SGCZ: variants seen among roughly 807,000 people sequenced by gnomAD.
SGCZ encodes sarcoglycan zeta.
Under a neutral mutation model 41.3 loss-of-function variants are expected in SGCZ, and 40 were observed. The ratio of observed to expected loss-of-function variants is 0.97; its 90% CI spans 0.75 to 1.26. The LOEUF is 1.26. SGCZ is among the 50% of genes most tolerant of loss of function. The pLI is 0.00. For missense variants in SGCZ, 552 were observed against 369.8 expected (o/e 1.49, Z -4.04); for synonymous variants, 206 against 137.5 (o/e 1.50, Z -3.49).
At chr8:14,391,158 T>C (rs10503495) in intron 2 of SGCZ, among the ~76,000 whole-genome samples, 28,742 of 152,000 alleles carry the variant, frequency 0.19, 3,475 homozygotes, top group Non-Finnish European at 0.28. Flanking sequence ...TGAAAATGGA[T>C]TGATGTAATG....
chr8:14,408,486 A>G (rs1307179812), intron 2 of SGCZ, among the ~76,000 whole-genome samples: 1 of 152,050 alleles, frequency 6.6e-6, no homozygotes, highest in East Asian at 1.9e-4. Context: ...CCATTTACCC[A>G]GGTGGCCACC....
At chr8:14,223,194 T>C (rs1269119346) in intron 4 of SGCZ, among the ~76,000 whole-genome samples, 1 of 152,184 alleles carries the variant, frequency 6.6e-6, no homozygotes, top group East Asian at 1.9e-4. Flanking sequence ...ACCCTTACTG[T>C]ATTGTTACTG....
chr8:14,402,895 A>G (rs886187797), intron 2 of SGCZ, among the ~76,000 whole-genome samples: 2 of 149,682 alleles, frequency 1.3e-5, no homozygotes, highest in African/African-American at 5.1e-5. Flanking sequence ...GGCCATTTTC[A>G]CGATATTGAT....
rs1193194930 is a variant in SGCZ, at chr8:14,196,765, A to G, written c.425-32063T>C. 3.3e-5 allele frequency among the ~76,000 whole-genome samples: 5 copies of G among 152,300 alleles called. No individual in the cohort carries two copies. In the East Asian group the frequency reaches 9.7e-4, roughly 29 times the overall value. ...ATGCACCTTAGAAGCATGCTACGTG[A>G]AAGAAACCAGCCGCCAAAACTATAC... On this transcript the variant is annotated intron_variant, in intron 4 of 7. Coordinates refer to ENST00000382080, the MANE Select transcript of SGCZ (RefSeq NM_139167.4).
Position 14,085,543 on chromosome 8 carries a change from G to T in SGCZ, c.*4900C>A, listed in dbSNP as rs1801499509. 6.6e-6 allele frequency among the ~76,000 whole-genome samples: 1 copy of T among 151,606 alleles called. No individual in the cohort carries two copies. Among genetic ancestry groups the T allele is most frequent in the African/African-American group, 2.4e-5 (1 of 41,374 alleles). Reference sequence around the variant, plus strand: ...TTCATTGGCTTTCTCAAAATGCAGAGCCACCTCAGTTAACAATTAAAAAAT... The same window carrying T: ...TTCATTGGCTTTCTCAAAATGCAGATCCACCTCAGTTAACAATTAAAAAAT... On this transcript the variant is annotated 3_prime_UTR_variant, in exon 8 of 8. Transcript: ENST00000382080.
intron 2 of SGCZ, among the ~76,000 whole-genome samples, chr8:14,449,177 C>T (rs1800519782): frequency 6.6e-6 from 1 of 152,168 alleles, no homozygotes; most frequent in South Asian, 2.1e-4. Context: ...TCACATTAAG[C>T]AGCATTCAAG....
intron 3 of SGCZ, among the ~76,000 whole-genome samples, chr8:14,319,180 C>A (rs1229555182): frequency 6.6e-6 from 1 of 151,766 alleles, no homozygotes; most frequent in African/African-American, 2.4e-5. Context: ...TATTAAGTGG[C>A]AAAATAGGTA....
chr8:14,456,359 G>A (rs372692916), intron 2 of SGCZ, among the ~76,000 whole-genome samples: 1 of 152,142 alleles, frequency 6.6e-6, no homozygotes, highest in African/African-American at 2.4e-5. Flanking sequence ...AGAGAGCCAA[G>A]ACTGCACCAT....
At chr8:14,652,634 G>T (rs1807442870) in intron 1 of SGCZ, among the ~76,000 whole-genome samples, 1 of 152,010 alleles carries the variant, frequency 6.6e-6, no homozygotes, top group Non-Finnish European at 1.5e-5. Context: ...CCTATTAAAA[G>T]TTCAAAACTA....
intron 2 of SGCZ, among the ~76,000 whole-genome samples, chr8:14,383,401 A>G (rs1182531462): frequency 3.9e-5 from 6 of 152,230 alleles, no homozygotes; most frequent in East Asian, 3.9e-4. Context: ...TGGAGTGACC[A>G]TATGTCCCAA....
intron 1 of SGCZ, among the ~76,000 whole-genome samples, chr8:14,963,724 A>G (rs2130854836): frequency 6.6e-6 from 1 of 152,306 alleles, no homozygotes; most frequent in African/African-American, 2.4e-5. Context: ...GGTTGTTAAA[A>G]TTCAAGAAAA....
intron 1 of SGCZ, among the ~76,000 whole-genome samples, chr8:15,133,795 T>C (rs1808005911): frequency 6.6e-6 from 1 of 152,190 alleles, no homozygotes. Flanking sequence ...ATATTAGCTC[T>C]GAGCAGAAAA....
intron 3 of SGCZ, among the ~76,000 whole-genome samples, chr8:14,274,680 C>A (rs1800170555): frequency 6.6e-6 from 1 of 152,052 alleles, no homozygotes; most frequent in Non-Finnish European, 1.5e-5. Context: ...ATTTAGACAA[C>A]CTCAAATGTG....
rs1339566984 is a variant in SGCZ, at chr8:14,702,774, TAGATAGACAGAC to T, written c.40-147860_40-147849del. On this transcript the variant is annotated intron_variant, in intron 1 of 7. Coordinates refer to ENST00000382080, the MANE Select transcript of SGCZ (RefSeq NM_139167.4). ...ATAGATAGATAGATAGATAGATAGA[TAGATAGACAGAC>T]AGACAGGCAGACAGGTAGGTAGTTA... 4.4e-5 allele frequency among the ~76,000 whole-genome samples: 6 copies of T among 136,524 alleles called. No homozygotes were observed. The South Asian group carries it at 9.4e-4, about 21-fold the overall frequency. 89.6% of individuals were successfully genotyped at this position (136,524 alleles called of 152,430 possible). A position where few individuals can be genotyped will look rare whatever the true frequency, so the allele number is the denominator to read the frequency against.
intron 1 of SGCZ, among the ~76,000 whole-genome samples, chr8:14,683,090 T>G (rs1271713220): frequency 6.6e-6 from 1 of 152,178 alleles, no homozygotes; most frequent in Non-Finnish European, 1.5e-5. Context: ...GATAAATGAC[T>G]GTATATTTGG....
chr8:14,931,977 G>C (rs1799934146), intron 1 of SGCZ, among the ~76,000 whole-genome samples: 2 of 151,864 alleles, frequency 1.3e-5, no homozygotes, highest in African/African-American at 4.8e-5. Flanking sequence ...TGTTAAAAGT[G>C]AGTCCTGCAT....
intron 1 of SGCZ, among the ~76,000 whole-genome samples, chr8:15,234,908 A>G (rs965634472): frequency 6.6e-6 from 1 of 152,162 alleles, no homozygotes; most frequent in African/African-American, 2.4e-5. Context: ...GCTAAACTAT[A>G]TTTTTATACT....
At chr8:15,077,116 A>G (rs956048715) in intron 1 of SGCZ, among the ~76,000 whole-genome samples, 1 of 152,180 alleles carries the variant, frequency 6.6e-6, no homozygotes, top group Non-Finnish European at 1.5e-5. Context: ...AATGAAGTGG[A>G]TTCTTTTTTT....
chr8:14,611,598 T>C (rs991956427), intron 1 of SGCZ, among the ~76,000 whole-genome samples: 2 of 152,150 alleles, frequency 1.3e-5, no homozygotes, highest in Middle Eastern at 3.2e-3. Context: ...ACATTTTCAG[T>C]GTAACATTCC....
Sources: allele counts gnomAD v4.1 joint callset (sites outside exome capture counted in the v4.1 genomes callset), GRCh38; gene constraint gnomAD v4.1.1; transcripts MANE v1.5; gene names NCBI Gene and HGNC (gene_info 2026-07-23, HGNC 2026-07-21).